Variants in MPRIP observed in about 807,000 individuals in gnomAD.
The protein encoded by MPRIP is myosin phosphatase Rho interacting protein, also known as myosin phosphatase Rho-interacting protein.
MPRIP carries 59 observed loss-of-function variants against 234.9 expected under a neutral mutation model. The observed-to-expected ratio is 0.25, with a 90% CI of 0.20 to 0.31. The LOEUF (loss-of-function observed/expected upper bound fraction) is 0.31, where lower values mean the gene tolerates loss of function less well. Ranked by LOEUF, MPRIP falls within the 10% of genes least tolerant of loss-of-function variation. The pLI is 1.00. For synonymous variants in MPRIP, 1,144 were observed against 1,263.9 expected, an observed-to-expected ratio of 0.91 and a Z score of 2.01; for missense variants, 2,436 against 3,071.0, an observed-to-expected ratio of 0.79 and a Z score of 4.89.
At chr17:17,045,727 C>G (rs1054080429) in intron 1 of MPRIP, among the ~76,000 whole-genome samples, 3 of 152,086 alleles carry the variant, frequency 2.0e-5, no homozygotes, top group African/African-American at 7.2e-5. Context: ...ATTACTTGTT[C>G]CAGGCCCCTG....
Position 17,054,168 on chromosome 17 carries a change from A to G in MPRIP, c.123+11197A>G, listed in dbSNP as rs117499140. On this transcript the variant is annotated intron_variant, in intron 1 of 23. Transcript: ENST00000651222. ...ATAAAAACAAGTAAGATCATTATCT[A>G]TACAAGTTTTGGTGAGTGATGACAG... Among the ~76,000 whole-genome samples, 23 of 152,364 alleles carry G rather than the reference A, an allele frequency of 1.5e-4. 1 individual carries two copies. In the East Asian group the frequency reaches 3.3e-3, roughly 22 times the overall value.
chr17:17,147,203 T>C (rs781419464), intron 10 of MPRIP, 116 bp from the exon 11 acceptor site: 185 of 971,080 alleles, frequency 1.9e-4, no homozygotes, highest in Non-Finnish European at 2.9e-4. Flanking sequence ...GCCTGTCCCC[T>C]GCTTTCCCTG....
chr17:17,111,551 G>C (rs977091114), intron 3 of MPRIP, among the ~76,000 whole-genome samples: 1 of 152,252 alleles, frequency 6.6e-6, no homozygotes, highest in Admixed American at 6.5e-5. Context: ...TTCTGCTGAG[G>C]AGGGAGACCT....
At chr17:17,123,703 C>CAAAAAAAAAAAAAAAAAAAAGAA (rs2090436380) in intron 3 of MPRIP, among the ~76,000 whole-genome samples, 1 of 59,296 alleles carries the variant, frequency 1.7e-5, no homozygotes, top group Non-Finnish European at 3.8e-5. Flanking sequence ...GACTTCGTCT[C>CAAAAAAAAAAAAAAAAAAAAGAA]AAAAAAAAAA....
intron 1 of MPRIP, among the ~76,000 whole-genome samples, chr17:17,056,833 AC>A (rs2088714858): frequency 6.6e-6 from 1 of 151,950 alleles, no homozygotes; most frequent in Admixed American, 6.6e-5. Flanking sequence ...CAATGGATTT[AC>A]CTATTCTGGA....
At chr17:17,172,290 C>T (rs990784860) in intron 17 of MPRIP, among the ~76,000 whole-genome samples, 2 of 152,274 alleles carry the variant, frequency 1.3e-5, no homozygotes, top group African/African-American at 4.8e-5. Context: ...AAGCACGTCC[C>T]CTCCGCCTTG....
At chr17:17,068,404 C>A (rs916385104) in intron 1 of MPRIP, among the ~76,000 whole-genome samples, 8 of 151,762 alleles carry the variant, frequency 5.3e-5, no homozygotes, top group Non-Finnish European at 1.2e-4. Context: ...CCCACCTCGG[C>A]CTCCCAAAGT....
intron 3 of MPRIP, among the ~76,000 whole-genome samples, chr17:17,122,645 G>A (rs1206512135): frequency 3.3e-5 from 5 of 152,196 alleles, no homozygotes; most frequent in Admixed American, 6.5e-5. Flanking sequence ...GAGCCACTGC[G>A]CCTGGCCAAA....
rs2046028360 is a variant in MPRIP, at chr17:17,167,482, G to A, written c.5891G>A (p.Ser1964Asn). The change falls in exon 16 of 24, where the codon AGC becomes AAC. Residue 1964 changes from serine to asparagine, a missense_variant. Physicochemically the swap from Ser to Asn is conservative, Grantham distance 46. Coordinates refer to ENST00000651222, the MANE Select transcript of MPRIP (RefSeq NM_001364716.4). The surrounding 1 kb of genome is among the most constrained non-coding windows in gnomAD (Gnocchi z 5.9). Reference protein sequence around the residue: ...CVVEQLTRTESTLQAERSRVL... With the variant: ...CVVEQLTRTENTLQAERSRVL... ...GTGGAGCAGCTGACCAGGACCGAGA[G>A]CACACTGCAGGCTGAGCGCAGCCGG... The A allele has an allele frequency of 2.3e-6, 3 of 1,304,048 alleles. No homozygotes were observed. Among genetic ancestry groups the A allele is most frequent in the East Asian group, 5.5e-5 (1 of 18,026 alleles). The allele number at this position is 1,304,048 out of a possible 1,614,324, so 80.8% of individuals were successfully genotyped here. A position where few individuals can be genotyped will look rare whatever the true frequency, so the allele number is the denominator to read the frequency against.
intron 20 of MPRIP, among the ~76,000 whole-genome samples, chr17:17,175,796 C>T (rs1020796247): frequency 1.3e-5 from 2 of 152,218 alleles, no homozygotes; most frequent in Non-Finnish European, 2.9e-5. Context: ...TATAGGGTGT[C>T]CTTTTAGGAA....
chr17:17,173,018 TC>T (rs1389878064), intron 18 of MPRIP, among the ~76,000 whole-genome samples: 3 of 152,240 alleles, frequency 2.0e-5, no homozygotes, highest in Admixed American at 1.3e-4. Context: ...GAGAGACTGT[TC>T]CTCGAAATGC....
chr17:17,145,831 C>T (rs915538804), intron 9 of MPRIP, among the ~76,000 whole-genome samples: 3 of 152,248 alleles, frequency 2.0e-5, no homozygotes, highest in Admixed American at 6.5e-5. Flanking sequence ...AGCCCAGCAT[C>T]TCCTTCCTCA....
chr17:17,087,894 T>C (rs2089628264), intron 3 of MPRIP, among the ~76,000 whole-genome samples: 1 of 152,222 alleles, frequency 6.6e-6, no homozygotes, highest in Non-Finnish European at 1.5e-5. Context: ...TGAGTGCCTT[T>C]CTGTCTCATC....
intron 1 of MPRIP, among the ~76,000 whole-genome samples, chr17:17,052,747 A>G (rs1191292527): frequency 1.3e-5 from 2 of 152,178 alleles, no homozygotes; most frequent in African/African-American, 4.8e-5. Context: ...CATCCCCAAC[A>G]TGGGCTACTG....
chr17:17,081,839 T>C (rs917731284), intron 3 of MPRIP, among the ~76,000 whole-genome samples: 3 of 152,126 alleles, frequency 2.0e-5, no homozygotes, highest in African/African-American at 7.2e-5. Context: ...CCACGTACCC[T>C]GTAACTGGTG....
At chr17:17,113,931 T>C (rs2090228159) in intron 3 of MPRIP, among the ~76,000 whole-genome samples, 2 of 150,218 alleles carry the variant, frequency 1.3e-5, no homozygotes, top group Admixed American at 1.3e-4. Flanking sequence ...CTCACTCTGT[T>C]GCCCAGACTG....
At chr17:17,083,185 G>A (rs1054793381) in intron 3 of MPRIP, among the ~76,000 whole-genome samples, 3 of 152,308 alleles carry the variant, frequency 2.0e-5, no homozygotes, top group South Asian at 2.1e-4. Context: ...TCACATCCTC[G>A]GACATAGTAG....
chr17:17,073,932 C>T (rs964779329), intron 1 of MPRIP, among the ~76,000 whole-genome samples: 1 of 152,210 alleles, frequency 6.6e-6, no homozygotes, highest in Admixed American at 6.5e-5. Context: ...TTGCAGCTTT[C>T]CCCCGACCCC....
At chr17:17,062,429 A>G (rs545605072) in intron 1 of MPRIP, among the ~76,000 whole-genome samples, 1 of 152,368 alleles carries the variant, frequency 6.6e-6, no homozygotes, top group South Asian at 2.1e-4. Context: ...CTGTTTTCTC[A>G]TCAACTCTCA....
Sources: allele counts gnomAD v4.1 joint callset (sites outside exome capture counted in the v4.1 genomes callset), GRCh38; gene constraint gnomAD v4.1.1; non-coding constraint Gnocchi (gnomAD v3.1); transcripts MANE v1.5; gene names NCBI Gene and HGNC (gene_info 2026-07-23, HGNC 2026-07-21).